The following APEX2 variants were observed in gnomAD, a reference collection of about 807,000 sequenced individuals.
The protein encoded by APEX2 is DNA-(apurinic or apyrimidinic site) endonuclease 2.
Under a neutral mutation model 16.7 loss-of-function variants are expected in APEX2, and 4 were observed. The ratio of observed to expected loss-of-function variants is 0.24; its 90% CI spans 0.12 to 0.55. The LOEUF (loss-of-function observed/expected upper bound fraction) is 0.55. APEX2 is among the 20% of genes least tolerant of loss of function. The pLI, the probability that APEX2 is intolerant of heterozygous loss-of-function variation, is 0.94. For synonymous variants in APEX2, 181 were observed against 166.9 expected (o/e 1.08, Z -0.65); for missense variants, 357 against 433.6 (o/e 0.82, Z 1.57).
chrX:55,007,478 CATGATCTGAGG>C lies in APEX2; in HGVS notation c.*44_*54del. On this transcript the variant is annotated 3_prime_UTR_variant, in exon 6 of 6. Coordinates refer to ENST00000374987, the MANE Select transcript of APEX2 (RefSeq NM_014481.4). ...GACATCTGGCATGGTCACCCCTGCA[CATGATCTGAGG>C]CCAGCTCCCCTTCCCTGAGCTGCCT... The C allele has an allele frequency of 1.8e-6, 2 of 1,098,727 alleles. No individual in the cohort carries two copies. The highest frequency in any genetic ancestry group is 2.4e-6 in the Non-Finnish European group (2 of 836,350). 90.5% of individuals were successfully genotyped at this position (1,098,727 alleles called of 1,213,427 possible).
chrX:55,004,539 A>G (rs28382690), intron 5 of APEX2, among the ~76,000 whole-genome samples: 56 of 111,425 alleles, frequency 5.0e-4, no homozygotes, highest in African/African-American at 1.8e-3. Context: ...CCTCCCTGTT[A>G]CCTCTGTGAT....
In APEX2 at chrX:55,007,286, G is replaced by C. The variant is rs139641675; in HGVS notation, c.1408G>C (p.Gly470Arg). ...LAGPLRTPLC[G>R]GHREPCVMRT... ...GGGGCCCTTGCGCACACCCCTCTGTGGGGGCCACAGGGAGCCATGTGTGAT... is the reference window on the plus strand; with the variant it reads ...GGGGCCCTTGCGCACACCCCTCTGTCGGGGCCACAGGGAGCCATGTGTGAT... The change falls in exon 6 of 6, where the codon GGG becomes CGG. Residue 470 changes from glycine to arginine, a missense_variant. Physicochemically the swap from Gly to Arg is moderately radical, Grantham distance 125. Transcript: ENST00000374987. 1 of 1,210,506 alleles carries C rather than the reference G, an allele frequency of 8.3e-7. No individual in the cohort carries two copies. The highest frequency in any genetic ancestry group is 1.1e-6 in the Non-Finnish European group (1 of 895,245).
In APEX2 at chrX:55,007,900, G is replaced by A. The variant is rs1935530259; in HGVS notation, c.*465G>A. The A allele has an allele frequency of 8.5e-6, 1 of 117,080 alleles. No homozygotes were observed. Among genetic ancestry groups the A allele is most frequent in the Non-Finnish European group, 1.7e-5 (1 of 57,149 alleles). The allele number at this position is 117,080 out of a possible 1,213,427, so 9.6% of individuals were successfully genotyped here. On this transcript the variant is annotated 3_prime_UTR_variant, in exon 6 of 6. Coordinates refer to ENST00000374987, the MANE Select transcript of APEX2 (RefSeq NM_014481.4). Reference sequence around the variant, plus strand: ...CAGAGAAAGGGGAGGAGGGAGGGGGGAGGAGGGAATAGTGAGGCGTGAGCA... The same window carrying A: ...CAGAGAAAGGGGAGGAGGGAGGGGGAAGGAGGGAATAGTGAGGCGTGAGCA...
At position 55,001,433 on chromosome X, in the gene APEX2, C is replaced by T; in HGVS notation, c.158-113C>T. 4 of 488,226 alleles carry T rather than the reference C, an allele frequency of 8.2e-6. No homozygotes were observed. In the South Asian group the frequency reaches 1.7e-4, roughly 20 times the overall value. 40.2% of individuals were successfully genotyped at this position (488,226 alleles called of 1,213,427 possible). On this transcript the variant is annotated intron_variant, in intron 1 of 5. Coordinates refer to ENST00000374987, the MANE Select transcript of APEX2 (RefSeq NM_014481.4). ...ATGGATATTTCATTCCCGTCACCCC[C>T]AACTCTGGCTCTGATGTGTGCAAGG... is the stretch of plus-strand genomic sequence containing the variant.
intron 5 of APEX2, among the ~76,000 whole-genome samples, chrX:55,005,390 G>C (rs1315470920): frequency 1.8e-5 from 2 of 111,835 alleles, no homozygotes; most frequent in Non-Finnish European, 3.8e-5. Context: ...TGCCAGCTCA[G>C]ATGACTTACA....
rs752340406 is a variant in APEX2 at position 55,000,420 on chromosome X, A to C, written c.-3A>C. ...GGGCTGGGAGGTGTTCCAGCCCTTTAAGATGTTGCGCGTGGTGAGCTGGAA... is the reference window on the plus strand; with the variant it reads ...GGGCTGGGAGGTGTTCCAGCCCTTTCAGATGTTGCGCGTGGTGAGCTGGAA... On this transcript the variant is annotated 5_prime_UTR_variant, in exon 1 of 6. Coordinates refer to ENST00000374987, the MANE Select transcript of APEX2 (RefSeq NM_014481.4). 8.5e-7 allele frequency: 1 copy of C among 1,181,357 alleles called. No individual in the cohort carries two copies. The highest frequency in any genetic ancestry group is 1.8e-5 in the African/African-American group (1 of 56,579).
rs762955444 is a variant in APEX2, at chrX:55,000,411, C to T, written c.-12C>T. The T allele has an allele frequency of 1.1e-5, 13 of 1,167,696 alleles. No homozygotes were observed. In the East Asian group the frequency reaches 4.1e-4, roughly 37 times the overall value. ...GGTTGGCGCGGGCTGGGAGGTGTTCCAGCCCTTTAAGATGTTGCGCGTGGT... is the reference window on the plus strand; with the variant it reads ...GGTTGGCGCGGGCTGGGAGGTGTTCTAGCCCTTTAAGATGTTGCGCGTGGT... On this transcript the variant is annotated 5_prime_UTR_variant, in exon 1 of 6. Transcript: ENST00000374987.
chrX:55,004,396 C>T (rs28382687), intron 5 of APEX2, among the ~76,000 whole-genome samples: 1,792 of 112,671 alleles, frequency 0.016, 33 homozygotes, highest in African/African-American at 0.056. Context: ...TTCTTAGTGA[C>T]ACAGGAAGGG....
At position 55,008,442 on chromosome X, in the gene APEX2, G is replaced by C. The variant is rs189705649; in HGVS notation, c.*1007G>C. 2 of 110,754 alleles carry C rather than the reference G, an allele frequency of 1.8e-5. No homozygotes were observed. Among genetic ancestry groups the C allele is most frequent in the Non-Finnish European group, 3.8e-5 (2 of 52,929 alleles). The allele number at this position is 110,754 out of a possible 1,213,427, so 9.1% of individuals were successfully genotyped here. A position where few individuals can be genotyped will look rare whatever the true frequency, so the allele number is the denominator to read the frequency against. On this transcript the variant is annotated 3_prime_UTR_variant, in exon 6 of 6. Coordinates refer to ENST00000374987, the MANE Select transcript of APEX2 (RefSeq NM_014481.4). ...AAAAATTAACTGGGCGTGGTGGCGC[G>C]TGCCTGTAATCCAAGCTACTTAGGA... is the stretch of plus-strand genomic sequence containing the variant.
intron 5 of APEX2, among the ~76,000 whole-genome samples, 171 bp from the exon 6 acceptor site, chrX:55,006,347 A>C (rs1935497286): frequency 9.0e-6 from 1 of 111,692 alleles, no homozygotes; most frequent in African/African-American, 3.3e-5. Context: ...TAAGGATGAA[A>C]ATCAGAATCC....
At position 55,006,595 on chromosome X, in the gene APEX2, T is replaced by C. The variant is rs145295903; in HGVS notation, c.717T>C (p.His239=). The change falls in exon 6 of 6, where the codon CAT becomes CAC. Residue 239 remains histidine (H), a synonymous_variant. Coordinates refer to ENST00000374987, the MANE Select transcript of APEX2 (RefSeq NM_014481.4). ...LSNLGCQSAS[H]VGPFIDSYRC... is the part of the protein sequence containing the mutation. ...ACTTGGGGTGCCAGTCTGCCTCTCA[T>C]GTAGGGCCCTTCATCGATAGCTACC... 6.2e-4 allele frequency: 707 copies of C among 1,146,618 alleles called. 2 individuals carry two copies. Among genetic ancestry groups the C allele is most frequent in the Middle Eastern group, 4.9e-3 (20 of 4,056 alleles). 94.5% of individuals were successfully genotyped at this position (1,146,618 alleles called of 1,213,427 possible). A position where few individuals can be genotyped will look rare whatever the true frequency, so the allele number is the denominator to read the frequency against.
chrX:55,002,756 T>C (rs1262994999), intron 3 of APEX2, among the ~76,000 whole-genome samples: 2 of 112,036 alleles, frequency 1.8e-5, no homozygotes, highest in Non-Finnish European at 3.8e-5. Context: ...AGCAGCACCA[T>C]TACCTGGTGG....
Position 55,001,632 on chromosome X carries a change from A to G in APEX2, c.241+3A>G, listed in dbSNP as rs1032454806. The stretch of plus-strand genomic sequence containing the variant: ...CCGCAACCGTAGCGGCTATTCTGGT[A>G]AATGGGGCTTTCTGTGGACTTTAAA... On this transcript the variant is annotated splice_donor_region_variant and intron_variant, in intron 2 of 5. Coordinates refer to ENST00000374987, the MANE Select transcript of APEX2 (RefSeq NM_014481.4). The G allele has an allele frequency of 1.7e-6, 2 of 1,195,040 alleles. No homozygotes were observed. Among genetic ancestry groups the G allele is most frequent in the African/African-American group, 3.5e-5 (2 of 56,793 alleles).
intron 3 of APEX2, 129 bp from the exon 4 acceptor site, chrX:55,002,833 C>G (rs1468219034): frequency 1.6e-5 from 12 of 733,814 alleles, no homozygotes; most frequent in East Asian, 1.1e-4. Flanking sequence ...CATGCCAGAT[C>G]ATTTGTGTCT....
In APEX2 at chrX:55,008,571, C is replaced by CA. The variant is rs770902009; in HGVS notation, c.*1149dup. 4.8e-3 allele frequency: 411 copies of CA among 85,713 alleles called. No individual in the cohort carries two copies. Among genetic ancestry groups the CA allele is most frequent in the South Asian group, 8.5e-3 (16 of 1,890 alleles). 7.1% of individuals were successfully genotyped at this position (85,713 alleles called of 1,213,427 possible). A position where few individuals can be genotyped will look rare whatever the true frequency, so the allele number is the denominator to read the frequency against. ...GGCAACAAGAGTGAAATTCAGTCTC[C>CA]AAAAAAAAAAAAAGAAAAGAAAAAG... On this transcript the variant is annotated 3_prime_UTR_variant, in exon 6 of 6. Coordinates refer to ENST00000374987, the MANE Select transcript of APEX2 (RefSeq NM_014481.4).
At chrX:55,002,485 G>A in intron 3 of APEX2, 54 bp downstream of exon 3, 2 of 1,112,823 alleles carry the variant, frequency 1.8e-6, no homozygotes, top group Non-Finnish European at 1.2e-6. Context: ...CTCTTTGAGT[G>A]TGAAGATTCT....
rs1935514807 is a variant in APEX2 at position 55,007,201 on chromosome X, G to A, written c.1323G>A (p.Lys441=). 1.7e-6 allele frequency: 2 copies of A among 1,210,653 alleles called. No individual in the cohort carries two copies. Among genetic ancestry groups the A allele is most frequent in the African/African-American group, 3.5e-5 (2 of 57,332 alleles). Residue 441 remains lysine, a synonymous_variant, in exon 6 of 6, where the codon AAG becomes AAA. Transcript: ENST00000374987. ...CCAAAGTGGTGAAGGGGCAGGCCAA[G>A]ACTTCAGAAGCCAAAGATGAGAAGG... is the stretch of plus-strand genomic sequence containing the variant. ...AVAKVVKGQA[K]TSEAKDEKEL... is the part of the protein sequence containing the mutation.
chrX:55,002,774 T>G (rs1243068038), intron 3 of APEX2, among the ~76,000 whole-genome samples, 188 bp from the exon 4 acceptor site: 2 of 111,988 alleles, frequency 1.8e-5, no homozygotes, highest in African/African-American at 6.5e-5. Context: ...TGGTAATCCT[T>G]AGATATCCCT....
At position 55,006,693 on chromosome X, in the gene APEX2, A is replaced by G; in HGVS notation, c.815A>G (p.Tyr272Cys). The G allele has an allele frequency of 8.6e-7, 1 of 1,167,569 alleles. No homozygotes were observed. The highest frequency in any genetic ancestry group is 1.1e-6 in the Non-Finnish European group (1 of 871,640). The change falls in exon 6 of 6, where the codon TAT (tyrosine) becomes TGT (cysteine). Residue 272 changes from tyrosine (Y) to cysteine (C), a missense_variant. Transcript: ENST00000374987. ...SAVTGARHLN[Y>C]GSRLDYVLGD... ...GTCACTGGCGCCCGCCATCTCAACT[A>G]TGGCTCCCGGCTTGACTATGTGCTG...
Sources: gnomAD v4.1 joint callset for allele counts (sites outside exome capture counted in the v4.1 genomes callset) on GRCh38, gnomAD v4.1.1 for gene constraint, MANE v1.5 for transcripts, NCBI Gene and HGNC (gene_info 2026-07-23, HGNC 2026-07-21) for gene names.